COL24A1: variants seen among roughly 807,000 people sequenced by gnomAD.
COL24A1 encodes the protein collagen alpha-1(XXIV) chain.
Under a neutral mutation model 253.9 loss-of-function variants are expected in COL24A1, and 224 were observed. That is an observed-to-expected ratio of 0.88 (90% CI 0.79 to 0.99). The LOEUF (loss-of-function observed/expected upper bound fraction) is 0.99. COL24A1 is among the 50% of genes least tolerant of loss of function. The pLI is 0.00. For synonymous variants in COL24A1, 685 were observed against 673.7 expected, an observed-to-expected ratio of 1.02 and a Z score of -0.26; for missense variants, 2,131 against 2,068.5, an observed-to-expected ratio of 1.03 and a Z score of -0.59.
At chr1:85,951,649 A>T (rs1027158705) in intron 24 of COL24A1, among the ~76,000 whole-genome samples, 6 of 152,022 alleles carry the variant, frequency 3.9e-5, no homozygotes, top group African/African-American at 1.5e-4. Context: ...GCCTCTACAG[A>T]CTCATTTTCC....
Position 85,917,847 on chromosome 1 carries a change from G to GA in COL24A1, c.2563-6415_2563-6414insT, listed in dbSNP as rs1382204782. Among the ~76,000 whole-genome samples, 3 of 152,042 alleles carry GA rather than the reference G, an allele frequency of 2.0e-5. No homozygotes were observed. The South Asian group carries it at 6.2e-4, about 32-fold the overall frequency. Reference sequence around the variant, plus strand: ...AGCCTCCTGAGCAGCTGGGACTACAGGCATGCACCACGACGCCCAGCTAAT... The same window carrying GA: ...AGCCTCCTGAGCAGCTGGGACTACAGAGCATGCACCACGACGCCCAGCTAAT... On this transcript the variant is annotated intron_variant, in intron 24 of 59. Coordinates refer to ENST00000370571, the MANE Select transcript of COL24A1 (RefSeq NM_152890.7).
At chr1:85,892,083 T>G (rs1050683562) in intron 31 of COL24A1, among the ~76,000 whole-genome samples, 3 of 152,076 alleles carry the variant, frequency 2.0e-5, no homozygotes, top group Non-Finnish European at 4.4e-5. Flanking sequence ...CTATGAAAGA[T>G]TTCCTATATC....
Position 85,875,256 on chromosome 1 carries a change from CT to C in COL24A1, c.3084+20del, listed in dbSNP as rs1221967496. 10 of 1,609,288 alleles carry C rather than the reference CT, an allele frequency of 6.2e-6. No homozygotes were observed. The highest frequency in any genetic ancestry group is 8.5e-6 in the Non-Finnish European group (10 of 1,175,856). ...CAATGGTGAAAGTTTAGAGATTCTC[CT>C]TTATTTTTTAGAAGGTTACCTTTGC... On this transcript the variant is annotated intron_variant, in intron 34 of 59. Transcript: ENST00000370571.
At chr1:85,854,394 C>A (rs1215491162) in intron 37 of COL24A1, among the ~76,000 whole-genome samples, 34 of 152,088 alleles carry the variant, frequency 2.2e-4, no homozygotes, top group Admixed American at 2.2e-3. Context: ...AAGTCAGGTA[C>A]TTGTGATGCC....
intron 37 of COL24A1, among the ~76,000 whole-genome samples, chr1:85,858,690 T>TC (rs1167077915): frequency 3.7e-4 from 50 of 134,820 alleles, no homozygotes; most frequent in East Asian, 1.1e-3. Flanking sequence ...CCTCCGTCCT[T>TC]CTTCCCTCCC....
At chr1:85,777,903 T>C (rs1668720326) in intron 52 of COL24A1, among the ~76,000 whole-genome samples, 1 of 152,148 alleles carries the variant, frequency 6.6e-6, no homozygotes, top group Non-Finnish European at 1.5e-5. Flanking sequence ...AGTTGAACTT[T>C]TGGATTTGTT....
chr1:85,889,043 A>C (rs1436184199), intron 32 of COL24A1, among the ~76,000 whole-genome samples: 1 of 151,898 alleles, frequency 6.6e-6, no homozygotes, highest in East Asian at 1.9e-4. Flanking sequence ...GTCCATGGAA[A>C]CTCCATAATT....
At chr1:85,857,400 T>A (rs1383159690) in intron 37 of COL24A1, among the ~76,000 whole-genome samples, 1 of 138,418 alleles carries the variant, frequency 7.2e-6, no homozygotes, top group Admixed American at 7.8e-5. Context: ...CTCAGAGACA[T>A]CTATAGAAAT....
intron 59 of COL24A1, 144 bp downstream of exon 59, chr1:85,734,605 G>A (rs1297539115): frequency 1.5e-6 from 1 of 680,048 alleles, no homozygotes; most frequent in East Asian, 2.7e-5. Flanking sequence ...AGAAAATGCA[G>A]TTACAAGTCA....
At chr1:86,142,276 C>G (rs1265851684) in intron 2 of COL24A1, among the ~76,000 whole-genome samples, 2 of 151,752 alleles carry the variant, frequency 1.3e-5, no homozygotes, top group Admixed American at 6.6e-5. Context: ...GTAATCCCAG[C>G]ACTTTGGGAG....
At chr1:86,054,174 A>T (rs1389942888) in intron 10 of COL24A1, among the ~76,000 whole-genome samples, 1 of 152,178 alleles carries the variant, frequency 6.6e-6, no homozygotes, top group Non-Finnish European at 1.5e-5. Flanking sequence ...CTTAGTATGT[A>T]AGACCTCAAA....
chr1:86,132,012 C>T (rs530439913), intron 2 of COL24A1, among the ~76,000 whole-genome samples: 1 of 152,260 alleles, frequency 6.6e-6, no homozygotes, highest in Admixed American at 6.5e-5. Context: ...TCTACATCCT[C>T]CTCTCCAGCA....
At position 85,823,535 on chromosome 1, in the gene COL24A1, C is replaced by T. The variant is rs761416788; in HGVS notation, c.3789+1G>A. 4 of 1,613,844 alleles carry T rather than the reference C, an allele frequency of 2.5e-6. No homozygotes were observed. Among genetic ancestry groups the T allele is most frequent in the Non-Finnish European group, 3.4e-6 (4 of 1,179,870 alleles). On this transcript the variant is annotated splice_donor_variant, in intron 45 of 59. Transcript: ENST00000370571. LOFTEE classifies it high-confidence loss of function. ...AATTGCCTTAAATAATTTCAACTTA[C>T]TTCAGATCCTCTCTCTCCTTTTAGT... is the stretch of plus-strand genomic sequence containing the variant.
At chr1:85,862,502 T>C (rs1311826779) in intron 37 of COL24A1, among the ~76,000 whole-genome samples, 6 of 152,190 alleles carry the variant, frequency 3.9e-5, no homozygotes, top group African/African-American at 1.4e-4. Flanking sequence ...GGGGCCCTGC[T>C]AACTTAGCAT....
chr1:86,106,681 A>G (rs1356925974), intron 5 of COL24A1, among the ~76,000 whole-genome samples: 2 of 152,224 alleles, frequency 1.3e-5, no homozygotes, highest in African/African-American at 4.8e-5. Flanking sequence ...AATATGATAA[A>G]TAATAGACCC....
chr1:86,069,875 A>G (rs534437050), intron 7 of COL24A1, among the ~76,000 whole-genome samples: 1 of 152,322 alleles, frequency 6.6e-6, no homozygotes, highest in South Asian at 2.1e-4. Context: ...ACAAGCCCAG[A>G]CTATGAAGAC....
chr1:85,741,604 TC>T (rs748938413), intron 57 of COL24A1, among the ~76,000 whole-genome samples: 5 of 152,168 alleles, frequency 3.3e-5, no homozygotes, highest in African/African-American at 4.8e-5. Context: ...GACCCCTACC[TC>T]CTGAAGCCAC....
chr1:86,135,172 C>T (rs148976670), intron 2 of COL24A1, among the ~76,000 whole-genome samples: 20,529 of 151,760 alleles, frequency 0.14, 1,557 homozygotes, highest in East Asian at 0.29. Context: ...GGATTGCAAC[C>T]TCTGCCTTTT....
intron 37 of COL24A1, among the ~76,000 whole-genome samples, chr1:85,867,996 C>T (rs561380856): frequency 2.0e-5 from 3 of 152,242 alleles, no homozygotes; most frequent in South Asian, 4.1e-4. Context: ...CCACCCACTT[C>T]AGCTTCCCAA....
Sources: allele counts gnomAD v4.1 joint callset (sites outside exome capture counted in the v4.1 genomes callset), GRCh38; gene constraint gnomAD v4.1.1; transcripts MANE v1.5; gene names NCBI Gene and HGNC (gene_info 2026-07-23, HGNC 2026-07-21).